NR3C2: variants seen among roughly 807,000 people sequenced by gnomAD.
NR3C2 encodes mineralocorticoid receptor.
In NR3C2, 15 loss-of-function variants were observed where a neutral mutation model predicts 86.4. The ratio of observed to expected loss-of-function variants is 0.17; its 90% CI spans 0.12 to 0.27. The LOEUF (loss-of-function observed/expected upper bound fraction) is 0.27. NR3C2 is among the 10% of genes least tolerant of loss of function. The pLI is 1.00. For synonymous variants in NR3C2, 458 were observed against 450.5 expected, an observed-to-expected ratio of 1.02 and a Z score of -0.21; for missense variants, 960 against 1,195.6, an observed-to-expected ratio of 0.80 and a Z score of 2.91.
intron 2 of NR3C2, among the ~76,000 whole-genome samples, chr4:148,379,896 C>A (rs1746877260): frequency 6.6e-6 from 1 of 152,026 alleles, no homozygotes; most frequent in African/African-American, 2.4e-5. Context: ...AATCCTCTAT[C>A]CCCACCTAAT....
intron 2 of NR3C2, among the ~76,000 whole-genome samples, chr4:148,262,838 T>C (rs1184864236): frequency 6.6e-6 from 1 of 152,188 alleles, no homozygotes; most frequent in Non-Finnish European, 1.5e-5. Flanking sequence ...GACCCTTCTC[T>C]TTCTCTCACA....
intron 2 of NR3C2, among the ~76,000 whole-genome samples, chr4:148,397,707 T>C (rs1747932090): frequency 6.6e-6 from 1 of 152,220 alleles, no homozygotes; most frequent in African/African-American, 2.4e-5. Flanking sequence ...GAATAGTTCT[T>C]CTGCTCTAAA....
At chr4:148,119,331 G>C (rs1400244556) in intron 7 of NR3C2, among the ~76,000 whole-genome samples, 1 of 152,110 alleles carries the variant, frequency 6.6e-6, no homozygotes, top group Non-Finnish European at 1.5e-5. Flanking sequence ...TCATGGCAAT[G>C]CCATCTCACA....
chr4:148,428,913 CAAGTT>C (rs1477681814), intron 2 of NR3C2, among the ~76,000 whole-genome samples: 3 of 152,176 alleles, frequency 2.0e-5, no homozygotes, highest in Non-Finnish European at 4.4e-5. Flanking sequence ...CACTACCTAC[CAAGTT>C]AAGTACAAAT....
rs761470042 is a variant in NR3C2 at position 148,080,830 on chromosome 4, C to T, written c.*514G>A. 4.7e-6 allele frequency: 2 copies of T among 423,740 alleles called. No individual in the cohort carries two copies. The highest frequency in any genetic ancestry group is 9.7e-6 in the Non-Finnish European group (2 of 206,456). 26.2% of individuals were successfully genotyped at this position (423,740 alleles called of 1,614,324 possible). ...CAGAGGCAGCTGCTGCCCCACGCCA[C>T]GAGTTCTGTTATTACACAACAGGAA... On this transcript the variant is annotated 3_prime_UTR_variant, in exon 9 of 9. Transcript: ENST00000358102.
chr4:148,175,785 C>A (rs931106264), intron 4 of NR3C2, among the ~76,000 whole-genome samples: 2 of 152,016 alleles, frequency 1.3e-5, no homozygotes, highest in African/African-American at 4.8e-5. Flanking sequence ...TTAAGAATGG[C>A]TTGATTTGAA....
intron 1 of NR3C2, among the ~76,000 whole-genome samples, chr4:148,441,857 G>T (rs1429193351): frequency 2.0e-5 from 3 of 152,196 alleles, no homozygotes; most frequent in Non-Finnish European, 2.9e-5. Flanking sequence ...AATTGTACAG[G>T]GAAAATGATC....
At chr4:148,220,532 A>G (rs1307163333) in intron 3 of NR3C2, among the ~76,000 whole-genome samples, 1 of 152,204 alleles carries the variant, frequency 6.6e-6, no homozygotes, top group African/African-American at 2.4e-5. Context: ...CTGGCCAGGC[A>G]TGGTGGCTCG....
At chr4:148,437,951 T>G (rs2126661247) in intron 1 of NR3C2, among the ~76,000 whole-genome samples, 1 of 152,366 alleles carries the variant, frequency 6.6e-6, no homozygotes, top group South Asian at 2.1e-4. Flanking sequence ...ATTGATATAA[T>G]TCTTACCCAT....
chr4:148,205,396 C>G (rs563013203), intron 3 of NR3C2, among the ~76,000 whole-genome samples: 3 of 152,314 alleles, frequency 2.0e-5, no homozygotes, highest in Admixed American at 1.3e-4. Flanking sequence ...CTCTCTCCCC[C>G]TCTCCTATCC....
At chr4:148,198,368 C>A (rs1736537658) in intron 3 of NR3C2, among the ~76,000 whole-genome samples, 1 of 152,092 alleles carries the variant, frequency 6.6e-6, no homozygotes, top group South Asian at 2.1e-4. Context: ...TTTTGTTATA[C>A]TTGGCCTGGT....
In NR3C2 at chr4:148,326,116, T is replaced by C. The variant is rs537344155; in HGVS notation, c.1758-65999A>G. ...ATTTTAAAATACTTTTTGGGCCGGG[T>C]GCAGTGGCTCACGCCTGTAATCCAA... On this transcript the variant is annotated intron_variant, in intron 2 of 8. Transcript: ENST00000358102. Among the ~76,000 whole-genome samples the C allele has an allele frequency of 2.7e-3, 405 of 151,796 alleles. 2 individuals are homozygous for C. Among genetic ancestry groups the C allele is most frequent in the Non-Finnish European group, 4.2e-3 (286 of 67,926 alleles).
chr4:148,392,173 C>A (rs1409426329), intron 2 of NR3C2, among the ~76,000 whole-genome samples: 2 of 152,072 alleles, frequency 1.3e-5, no homozygotes, highest in African/African-American at 4.8e-5. Context: ...TCTGACAGGA[C>A]AAATAGATCC....
chr4:148,111,513 G>C (rs986752288), intron 8 of NR3C2, among the ~76,000 whole-genome samples: 1 of 152,176 alleles, frequency 6.6e-6, no homozygotes, highest in African/African-American at 2.4e-5. Flanking sequence ...TCTGTACAAA[G>C]ACTTGTACAT....
chr4:148,113,038 C>T (rs1732114091), intron 8 of NR3C2, among the ~76,000 whole-genome samples: 1 of 152,166 alleles, frequency 6.6e-6, no homozygotes, highest in South Asian at 2.1e-4. Flanking sequence ...ATCGTTTGAG[C>T]CGGAATTGGA....
intron 6 of NR3C2, among the ~76,000 whole-genome samples, chr4:148,125,673 T>C (rs1268180183): frequency 6.6e-6 from 1 of 152,216 alleles, no homozygotes; most frequent in East Asian, 1.9e-4. Context: ...AACTGCAAAC[T>C]TCTTCAAGAC....
chr4:148,118,551 G>A (rs1283150932), intron 7 of NR3C2, among the ~76,000 whole-genome samples: 1 of 152,030 alleles, frequency 6.6e-6, no homozygotes, highest in African/African-American at 2.4e-5. Flanking sequence ...TTTCTATAAG[G>A]ATAATTTCAA....
chr4:148,206,031 T>C (rs1404258474), intron 3 of NR3C2, among the ~76,000 whole-genome samples: 1 of 152,130 alleles, frequency 6.6e-6, no homozygotes, highest in African/African-American at 2.4e-5. Flanking sequence ...TCTTAGGCAA[T>C]GGTGAAGCCA....
intron 6 of NR3C2, among the ~76,000 whole-genome samples, chr4:148,139,740 C>T (rs1323746520): frequency 6.6e-6 from 1 of 152,160 alleles, no homozygotes; most frequent in Admixed American, 6.5e-5. Context: ...CCAAATATGA[C>T]CTTCTTGTTT....
Sources: gnomAD v4.1 joint callset for allele counts (sites outside exome capture counted in the v4.1 genomes callset) on GRCh38, gnomAD v4.1.1 for gene constraint, MANE v1.5 for transcripts, NCBI Gene and HGNC (gene_info 2026-07-23, HGNC 2026-07-21) for gene names.